The following CACNA1C variants were observed in gnomAD, a reference collection of about 807,000 sequenced individuals.
CACNA1C encodes the protein calcium voltage-gated channel subunit alpha1 C.
Under a neutral mutation model 229.0 loss-of-function variants are expected in CACNA1C, and 30 were observed. The observed-to-expected ratio is 0.13, with a 90% CI of 0.10 to 0.18. CACNA1C has a LOEUF of 0.18. Among genes scored for constraint, CACNA1C ranks in the 10% least tolerant of loss-of-function variants. The pLI is 1.00. For synonymous variants in CACNA1C, 1,114 were observed against 1,132.5 expected (o/e 0.98, Z 0.33); for missense variants, 1,658 against 2,845.0 (o/e 0.58, Z 9.49).
At chr12:2,411,767 C>T (rs1387322454) in intron 3 of CACNA1C, among the ~76,000 whole-genome samples, 1 of 152,210 alleles carries the variant, frequency 6.6e-6, no homozygotes, top group Non-Finnish European at 1.5e-5. Flanking sequence ...TCTGTCCACC[C>T]TGAGGCTCCT....
rs541596011 is a variant in CACNA1C at position 2,346,610 on chromosome 12, G to A, written c.478-102366G>A. Among the ~76,000 whole-genome samples the A allele has an allele frequency of 1.1e-3, 162 of 152,218 alleles. 1 individual carries two copies. The highest frequency in any genetic ancestry group is 3.8e-3 in the African/African-American group (159 of 41,532). On this transcript the variant is annotated intron_variant, in intron 3 of 46. Transcript: ENST00000399655. The surrounding 1 kb of genome is among the most constrained non-coding windows in gnomAD (Gnocchi z 4.4). The stretch of plus-strand genomic sequence containing the variant: ...TAGCCGGCCCCAGTGTGTGTCCTGG[G>A]GGCGTAGTCACTGCCCTTCCAAGCC...
At chr12:2,589,867 T>G (rs2064404012) in intron 18 of CACNA1C, among the ~76,000 whole-genome samples, 1 of 152,170 alleles carries the variant, frequency 6.6e-6, no homozygotes. Flanking sequence ...ACCAGCTGGA[T>G]TCACTCACAG....
At chr12:2,267,967 A>T (rs984411252) in intron 3 of CACNA1C, among the ~76,000 whole-genome samples, 1 of 152,210 alleles carries the variant, frequency 6.6e-6, no homozygotes, top group Non-Finnish European at 1.5e-5. Context: ...AAGAATGGGT[A>T]TTTAAAAAAC....
At chr12:2,068,547 G>A (rs2060197191) in intron 1 of CACNA1C, among the ~76,000 whole-genome samples, 4 of 152,220 alleles carry the variant, frequency 2.6e-5, no homozygotes, top group Admixed American at 2.6e-4. Flanking sequence ...TCTCATAGAT[G>A]CCAATTTTCG....
chr12:2,218,470 G>A (rs2060550971), intron 3 of CACNA1C, among the ~76,000 whole-genome samples: 1 of 152,192 alleles, frequency 6.6e-6, no homozygotes, highest in Non-Finnish European at 1.5e-5. Context: ...GGGGCAGAGG[G>A]GCAAAACTCC....
At chr12:1,991,515 G>T (rs890844011) in intron 1 of CACNA1C, 6 of 232,678 alleles carry the variant, frequency 2.6e-5, no homozygotes, top group South Asian at 5.2e-5. Flanking sequence ...ATTTCAACAT[G>T]TTAATATAAA....
chr12:2,115,660 T>C (rs1436878981), intron 2 of CACNA1C, 115 bp downstream of exon 2: 2 of 933,798 alleles, frequency 2.1e-6, no homozygotes, highest in Non-Finnish European at 1.6e-6. Context: ...AAACGGGGCC[T>C]CGGGCCTACT....
At chr12:2,626,584 A>G (rs1033613059) in intron 29 of CACNA1C, among the ~76,000 whole-genome samples, 1 of 152,164 alleles carries the variant, frequency 6.6e-6, no homozygotes, top group Non-Finnish European at 1.5e-5. Context: ...GTGTCTGCCT[A>G]GCCTTATCCC....
intron 3 of CACNA1C, among the ~76,000 whole-genome samples, chr12:2,393,316 T>C (rs929988109): frequency 1.3e-5 from 2 of 152,184 alleles, no homozygotes; most frequent in African/African-American, 4.8e-5. Flanking sequence ...GGCATGTGAA[T>C]GACTGCTAGC....
At chr12:2,618,318 T>A (rs2153485327) in intron 29 of CACNA1C, among the ~76,000 whole-genome samples, 2 of 152,260 alleles carry the variant, frequency 1.3e-5, no homozygotes, top group Middle Eastern at 3.4e-3. Context: ...CAGGCCAGGG[T>A]GTCAGTCTGG....
chr12:2,647,864 G>A lies in CACNA1C; in HGVS notation c.3913-611G>A, dbSNP rs566614496. Among the ~76,000 whole-genome samples, 10 of 152,172 alleles carry A rather than the reference G, an allele frequency of 6.6e-5. No individual in the cohort carries two copies. The highest frequency in any genetic ancestry group is 1.9e-4 in the East Asian group (1 of 5,194). On this transcript the variant is annotated intron_variant, in intron 30 of 46. Transcript: ENST00000399655. The surrounding 1 kb of genome is among the most constrained non-coding windows in gnomAD (Gnocchi z 4.2). The stretch of plus-strand genomic sequence containing the variant: ...CAGGCTTGGCACAGTGGCTTACACC[G>A]GTAATCCCAGTACTTTGGGAGGCCA...
intron 9 of CACNA1C, among the ~76,000 whole-genome samples, chr12:2,519,425 A>G (rs2099805178): frequency 6.6e-6 from 1 of 152,218 alleles, no homozygotes; most frequent in Admixed American, 6.5e-5. Flanking sequence ...TCTGCTCAGA[A>G]TTGACTTCCT....
intron 5 of CACNA1C, among the ~76,000 whole-genome samples, chr12:2,463,647 G>T (rs548662610): frequency 2.4e-4 from 36 of 152,224 alleles, no homozygotes; most frequent in South Asian, 1.0e-3. Context: ...GTGAGGAGAG[G>T]CATTCCAGGA....
At chr12:2,191,350 G>C (rs868360084) in intron 3 of CACNA1C, among the ~76,000 whole-genome samples, 1 of 152,102 alleles carries the variant, frequency 6.6e-6, no homozygotes, top group Non-Finnish European at 1.5e-5. Flanking sequence ...GTCTGTCTCC[G>C]CACATCTTCC....
At chr12:2,640,701 A>G (rs2093580497) in intron 30 of CACNA1C, among the ~76,000 whole-genome samples, 1 of 152,158 alleles carries the variant, frequency 6.6e-6, no homozygotes, top group African/African-American at 2.4e-5. Flanking sequence ...CCCCACCTTC[A>G]GGCCCTGAAA....
In CACNA1C at chr12:2,103,104, A is replaced by C. The variant is rs1762711974; in HGVS notation, c.50-12120A>C. Among the ~76,000 whole-genome samples the C allele has an allele frequency of 2.6e-5, 4 of 152,300 alleles. No homozygotes were observed. The South Asian group carries it at 8.3e-4, about 32-fold the overall frequency. Reference sequence around the variant, plus strand: ...TAATCCTTTGGCTATATACCCAGTAATGGGATTGCTGGGTCAAATGGTATT... The same window carrying C: ...TAATCCTTTGGCTATATACCCAGTACTGGGATTGCTGGGTCAAATGGTATT... On this transcript the variant is annotated intron_variant, in intron 1 of 46. Coordinates refer to ENST00000399655, the MANE Select transcript of CACNA1C (RefSeq NM_000719.7).
In CACNA1C at chr12:2,632,529, C is replaced by A. The variant is rs1006499904; in HGVS notation, c.3829-1768C>A. 2.0e-5 allele frequency among the ~76,000 whole-genome samples: 3 copies of A among 152,170 alleles called. No homozygotes were observed. The highest frequency in any genetic ancestry group is 3.9e-4 in the East Asian group (2 of 5,186). ...TGTTGTCCAAGTACATGAAAAAAGT[C>A]TTTTAAGAACATTCGTCCCTTCTCT... On this transcript the variant is annotated intron_variant, in intron 29 of 46. Transcript: ENST00000399655. This position sits in a 1 kb window ranked among gnomAD's most constrained non-coding sequence, Gnocchi z 4.1.
chr12:2,535,843 G>A (rs2099853631), intron 9 of CACNA1C, among the ~76,000 whole-genome samples: 1 of 152,060 alleles, frequency 6.6e-6, no homozygotes, highest in Non-Finnish European at 1.5e-5. Flanking sequence ...AGAGTTGGGA[G>A]AAGAATTAAA....
chr12:2,030,841 G>A (rs1594044616), intron 1 of CACNA1C, among the ~76,000 whole-genome samples: 1 of 152,218 alleles, frequency 6.6e-6, no homozygotes, highest in Non-Finnish European at 1.5e-5. Flanking sequence ...GAGGCAGAAA[G>A]GCTCAAAAGT....
Sources: allele counts gnomAD v4.1 joint callset (sites outside exome capture counted in the v4.1 genomes callset), GRCh38; gene constraint gnomAD v4.1.1; non-coding constraint Gnocchi (gnomAD v3.1); transcripts MANE v1.5; gene names NCBI Gene and HGNC (gene_info 2026-07-23, HGNC 2026-07-21).